The following PTPRD variants were observed in gnomAD, a reference collection of about 807,000 sequenced individuals.
PTPRD encodes protein tyrosine phosphatase receptor type D.
A neutral mutation model predicts 214.5 loss-of-function variants in PTPRD; 34 were observed. The observed-to-expected ratio is 0.16, with a 90% confidence interval of 0.12 to 0.21. The LOEUF is 0.21. Ranked by LOEUF, PTPRD falls within the 10% of genes least tolerant of loss-of-function variation. The pLI, the probability that PTPRD is intolerant of heterozygous loss-of-function variation, is 1.00. For synonymous variants in PTPRD, 1,128 were observed against 845.7 expected (o/e 1.33, Z -5.79); for missense variants, 2,545 against 2,398.7 (o/e 1.06, Z -1.27).
At chr9:8,475,109 G>A (rs1278790567) in intron 30 of PTPRD, among the ~76,000 whole-genome samples, 1 of 152,062 alleles carries the variant, frequency 6.6e-6, no homozygotes, top group Non-Finnish European at 1.5e-5. Context: ...GTGTGTTCCT[G>A]CTGCTCCCAC....
chr9:10,031,178 C>G (rs1273835439), intron 4 of PTPRD, among the ~76,000 whole-genome samples: 1 of 151,984 alleles, frequency 6.6e-6, no homozygotes, highest in East Asian at 1.9e-4. Flanking sequence ...AAATTGATCC[C>G]TAAAATATAG....
At chr9:9,722,746 T>C (rs1319878060) in intron 7 of PTPRD, among the ~76,000 whole-genome samples, 1 of 152,090 alleles carries the variant, frequency 6.6e-6, no homozygotes, top group East Asian at 1.9e-4. Context: ...GACTTTTTGA[T>C]TCTAGGCATC....
chr9:9,056,415 G>C (rs141789696), intron 10 of PTPRD, among the ~76,000 whole-genome samples: 1 of 152,150 alleles, frequency 6.6e-6, no homozygotes, highest in African/African-American at 2.4e-5. Flanking sequence ...AACCCGCATA[G>C]CACAGACCTG....
At chr9:9,984,905 A>T (rs2095658423) in intron 4 of PTPRD, among the ~76,000 whole-genome samples, 1 of 152,082 alleles carries the variant, frequency 6.6e-6, no homozygotes, top group Admixed American at 6.5e-5. Flanking sequence ...ACACCCAAAA[A>T]CCAAAGGGGA....
intron 3 of PTPRD, among the ~76,000 whole-genome samples, chr9:10,035,941 G>C (rs1011309737): frequency 6.6e-6 from 1 of 151,970 alleles, no homozygotes; most frequent in Admixed American, 6.6e-5. Flanking sequence ...ATTTGTTTGT[G>C]TTTAAAACTT....
intron 12 of PTPRD, among the ~76,000 whole-genome samples, chr9:8,694,389 T>C (rs1311085536): frequency 3.9e-5 from 6 of 152,116 alleles, no homozygotes. Flanking sequence ...TGCATACTGA[T>C]AACATTCATA....
chr9:9,769,661 C>T (rs1452764438), intron 5 of PTPRD, among the ~76,000 whole-genome samples: 3 of 152,014 alleles, frequency 2.0e-5, no homozygotes, highest in Non-Finnish European at 2.9e-5. Flanking sequence ...GCAGAACTTG[C>T]AGGTTTGTTA....
intron 9 of PTPRD, among the ~76,000 whole-genome samples, chr9:9,355,402 A>G (rs2053379060): frequency 6.6e-6 from 1 of 151,676 alleles, no homozygotes; most frequent in Non-Finnish European, 1.5e-5. Flanking sequence ...AATGGGCTTA[A>G]TTATGAAAAT....
At chr9:9,036,676 A>G (rs1445665533) in intron 10 of PTPRD, among the ~76,000 whole-genome samples, 3 of 152,200 alleles carry the variant, frequency 2.0e-5, no homozygotes, top group Non-Finnish European at 4.4e-5. Flanking sequence ...CAAAGATGCT[A>G]GGTGAAAATT....
intron 11 of PTPRD, among the ~76,000 whole-genome samples, chr9:9,017,242 A>T (rs1052662325): frequency 6.6e-6 from 1 of 152,170 alleles, no homozygotes; most frequent in Non-Finnish European, 1.5e-5. Context: ...AGGAATTTTT[A>T]CTTGTTTTAT....
chr9:10,554,706 A>G (rs570743140), intron 2 of PTPRD, among the ~76,000 whole-genome samples: 1 of 151,864 alleles, frequency 6.6e-6, no homozygotes. Flanking sequence ...TGTCGCTCAG[A>G]CTGGACTGCA....
intron 39 of PTPRD, among the ~76,000 whole-genome samples, chr9:8,372,425 A>T (rs1208698834): frequency 6.6e-6 from 1 of 151,972 alleles, no homozygotes; most frequent in Non-Finnish European, 1.5e-5. Flanking sequence ...ATCTTACTTA[A>T]TTTTTATAAA....
chr9:9,778,417 G>C (rs1313699857), intron 5 of PTPRD, among the ~76,000 whole-genome samples: 1 of 152,178 alleles, frequency 6.6e-6, no homozygotes, highest in Non-Finnish European at 1.5e-5. Flanking sequence ...GTGTAGCACA[G>C]AAATGTTTGT....
chr9:9,572,575 A>G (rs1312875865), intron 8 of PTPRD, among the ~76,000 whole-genome samples: 3 of 133,052 alleles, frequency 2.3e-5, no homozygotes, highest in African/African-American at 8.3e-5. Context: ...ATATATATAT[A>G]TATATGTGTA....
intron 2 of PTPRD, among the ~76,000 whole-genome samples, chr9:10,476,222 T>C (rs2099061622): frequency 1.3e-5 from 2 of 152,184 alleles, no homozygotes; most frequent in South Asian, 2.1e-4. Context: ...CATGATTGTA[T>C]ATTTAGAAAA....
At chr9:8,455,044 G>A (rs752618539) in intron 33 of PTPRD, among the ~76,000 whole-genome samples, 3 of 152,132 alleles carry the variant, frequency 2.0e-5, no homozygotes, top group South Asian at 2.1e-4. Flanking sequence ...TCAATTAAGA[G>A]GTATGTCATT....
chr9:9,951,435 A>G (rs907971321), intron 4 of PTPRD, among the ~76,000 whole-genome samples: 3 of 152,230 alleles, frequency 2.0e-5, no homozygotes, highest in Non-Finnish European at 2.9e-5. Context: ...CTCTTATTGA[A>G]AAAATGAAAC....
chr9:8,807,558 G>C (rs1272214759), intron 11 of PTPRD, among the ~76,000 whole-genome samples: 1 of 150,856 alleles, frequency 6.6e-6, no homozygotes, highest in Non-Finnish European at 1.5e-5. Flanking sequence ...TTTTCTGTGT[G>C]GGTAATTTTA....
Position 9,761,912 on chromosome 9 carries a change from T to C in PTPRD, c.-326+4898A>G, listed in dbSNP as rs150744420. On this transcript the variant is annotated intron_variant, in intron 6 of 45. Transcript: ENST00000381196. ...ATGTTTGCAAAATATAATATTTTAATATTCATTGCTTTGGGATATTGGTCT... is the reference window on the plus strand; with the variant it reads ...ATGTTTGCAAAATATAATATTTTAACATTCATTGCTTTGGGATATTGGTCT... 3.0e-3 allele frequency among the ~76,000 whole-genome samples: 456 copies of C among 152,324 alleles called. 1 individual carries two copies. Among genetic ancestry groups the C allele is most frequent in the Non-Finnish European group, 5.0e-3 (341 of 68,040 alleles).
Sources: allele counts gnomAD v4.1 joint callset (sites outside exome capture counted in the v4.1 genomes callset), GRCh38; gene constraint gnomAD v4.1.1; transcripts MANE v1.5; gene names NCBI Gene and HGNC (gene_info 2026-07-23, HGNC 2026-07-21).